TYW3: variants seen among roughly 807,000 people sequenced by gnomAD.
TYW3 encodes the protein tRNA-yW synthesizing protein 3 homolog, also known as tRNA wybutosine-synthesizing protein 3 homolog.
TYW3 carries 26 observed loss-of-function variants against 23.1 expected under a neutral mutation model. The observed-to-expected ratio is 1.13, with a 90% CI of 0.83 to 1.56. TYW3 has a LOEUF of 1.56. TYW3 is among the 40% of genes most tolerant of loss of function. TYW3 has a pLI of 0.00. For missense variants in TYW3, 316 were observed against 311.9 expected (o/e 1.01, Z -0.10); for synonymous variants, 102 against 105.7 (o/e 0.97, Z 0.21).
At chr1:74,736,841 T>C (rs1648171655) in intron 2 of TYW3, among the ~76,000 whole-genome samples, 1 of 152,210 alleles carries the variant, frequency 6.6e-6, no homozygotes, top group African/African-American at 2.4e-5. Context: ...CACATCCTCT[T>C]GGACACAGCA....
At chr1:74,736,365 G>T in intron 1 of TYW3, 177 bp from the exon 2 acceptor site, 1 of 404,634 alleles carries the variant, frequency 2.5e-6, no homozygotes. Flanking sequence ...AAGTTATTTG[G>T]GCTCATTCTT....
At chr1:74,740,499 G>GC (rs58073030) in intron 3 of TYW3, among the ~76,000 whole-genome samples, 1 of 152,158 alleles carries the variant, frequency 6.6e-6, no homozygotes, top group African/African-American at 2.4e-5. Flanking sequence ...CCCTTATTTG[G>GC]CCCCACCCAC....
At chr1:74,755,127 A>G (rs149719104) in intron 5 of TYW3, among the ~76,000 whole-genome samples, 2 of 152,346 alleles carry the variant, frequency 1.3e-5, no homozygotes, top group Admixed American at 6.5e-5. Context: ...ATTGTTGATA[A>G]AGCAAATCTG....
chr1:74,739,800 G>A (rs956092253), intron 3 of TYW3, among the ~76,000 whole-genome samples: 2 of 152,250 alleles, frequency 1.3e-5, no homozygotes, highest in South Asian at 2.1e-4. Context: ...TACGAGTTAG[G>A]AGTAGTTTGT....
intron 5 of TYW3, among the ~76,000 whole-genome samples, chr1:74,754,248 AGTTAATTGAG>A (rs1417792706): frequency 6.6e-6 from 1 of 152,224 alleles, no homozygotes; most frequent in Non-Finnish European, 1.5e-5. Flanking sequence ...CACCTGGTGA[AGTTAATTGAG>A]CCACGTTCAC....
At chr1:74,733,672 C>A in intron 1 of TYW3, 1 of 614,632 alleles carries the variant, frequency 1.6e-6, no homozygotes, top group Non-Finnish European at 2.0e-6. Context: ...TGATACTGTG[C>A]ATTTCTAACA....
At chr1:74,747,761 ATG>A (rs1648623351) in intron 3 of TYW3, among the ~76,000 whole-genome samples, 1 of 151,120 alleles carries the variant, frequency 6.6e-6, no homozygotes, top group East Asian at 1.9e-4. Flanking sequence ...GTATATATGT[ATG>A]TGTATATGTG....
intron 3 of TYW3, among the ~76,000 whole-genome samples, chr1:74,747,857 G>T (rs1462613369): frequency 6.7e-6 from 1 of 148,416 alleles, no homozygotes; most frequent in Non-Finnish European, 1.5e-5. Flanking sequence ...ATACACATAT[G>T]TATGTATACA....
rs1557748281 is a variant in TYW3, at chr1:74,752,254, A to G, written c.427-38A>G. ...TTGAGTTATTTTCAGTTTCTGTGGT[A>G]TCTAAGTCTTCATATCTAAATTGTT... On this transcript the variant is annotated intron_variant, in intron 4 of 5. Transcript: ENST00000370867. The G allele has an allele frequency of 4.5e-6, 7 of 1,564,794 alleles. No individual in the cohort carries two copies. The South Asian group carries it at 8.6e-5, about 19-fold the overall frequency.
chr1:74,756,555 T>C (rs1053265143), intron 5 of TYW3, among the ~76,000 whole-genome samples: 11 of 152,214 alleles, frequency 7.2e-5, no homozygotes, highest in Non-Finnish European at 1.0e-4. Flanking sequence ...GCAGAATTTC[T>C]AAGCAGCAAA....
chr1:74,754,900 A>G (rs892911049), intron 5 of TYW3, among the ~76,000 whole-genome samples: 1 of 152,144 alleles, frequency 6.6e-6, no homozygotes, highest in Non-Finnish European at 1.5e-5. Context: ...AAGACAATTC[A>G]TACATAACGA....
chr1:74,739,052 A>C (rs1190367875), intron 3 of TYW3, among the ~76,000 whole-genome samples: 1 of 152,130 alleles, frequency 6.6e-6, no homozygotes, highest in East Asian at 1.9e-4. Flanking sequence ...TCAGCATTCT[A>C]TAGTTTGTTT....
chr1:74,742,051 C>G (rs567502022), intron 3 of TYW3, among the ~76,000 whole-genome samples: 1 of 152,322 alleles, frequency 6.6e-6, no homozygotes, highest in South Asian at 2.1e-4. Context: ...ACTGCCTGAG[C>G]CTTCTCTGTC....
In TYW3 at chr1:74,766,495, TAAAAA is replaced by T. The variant is rs200333364; in HGVS notation, c.*2386_*2390del. ...TTTCACAAAAAGGTTTTTCCAATGT[TAAAAA>T]AAATATATAAAAAAGCTTATAGAAT... On this transcript the variant is annotated 3_prime_UTR_variant, in exon 6 of 6. Transcript: ENST00000370867. 2 of 151,638 alleles carry T rather than the reference TAAAAA, an allele frequency of 1.3e-5. No homozygotes were observed. Among genetic ancestry groups the T allele is most frequent in the African/African-American group, 4.8e-5 (2 of 41,274 alleles). The allele number at this position is 151,638 out of a possible 1,614,324, so 9.4% of individuals were successfully genotyped here.
At chr1:74,757,065 A>C (rs967872046) in intron 5 of TYW3, among the ~76,000 whole-genome samples, 5 of 152,218 alleles carry the variant, frequency 3.3e-5, no homozygotes, top group African/African-American at 1.2e-4. Context: ...AGATTTCAGA[A>C]GATATATGGC....
chr1:74,757,621 T>A (rs1002744273), intron 5 of TYW3, among the ~76,000 whole-genome samples: 1 of 152,276 alleles, frequency 6.6e-6, no homozygotes, highest in Non-Finnish European at 1.5e-5. Flanking sequence ...CAGAAGGGAC[T>A]TGCCTTGTCT....
intron 5 of TYW3, among the ~76,000 whole-genome samples, chr1:74,755,319 C>T (rs1648915276): frequency 6.6e-6 from 1 of 152,186 alleles, no homozygotes; most frequent in Non-Finnish European, 1.5e-5. Context: ...AACTTCTCTA[C>T]CCATTAAACA....
Position 74,756,145 on chromosome 1 carries a change from G to A in TYW3, c.560+3720G>A, listed in dbSNP as rs565346343. Among the ~76,000 whole-genome samples, 4 of 152,228 alleles carry A rather than the reference G, an allele frequency of 2.6e-5. No individual in the cohort carries two copies. In the South Asian group the frequency reaches 6.2e-4, roughly 24 times the overall value. ...TTTCTTTTGTAAATTGCCCGGTCTCGGGTATGTCTTTATCAGCAGTGTGAA... is the reference window on the plus strand; with the variant it reads ...TTTCTTTTGTAAATTGCCCGGTCTCAGGTATGTCTTTATCAGCAGTGTGAA... On this transcript the variant is annotated intron_variant, in intron 5 of 5. Transcript: ENST00000370867.
chr1:74,738,279 G>A (rs924179094), intron 2 of TYW3, among the ~76,000 whole-genome samples: 1 of 152,096 alleles, frequency 6.6e-6, no homozygotes, highest in Non-Finnish European at 1.5e-5. Flanking sequence ...TGCTTCTTGG[G>A]AACATGGGTG....
Sources: allele counts gnomAD v4.1 joint callset (sites outside exome capture counted in the v4.1 genomes callset), GRCh38; gene constraint gnomAD v4.1.1; transcripts MANE v1.5; gene names NCBI Gene and HGNC (gene_info 2026-07-23, HGNC 2026-07-21).